Variants in MARS1 observed in about 807,000 individuals in gnomAD.
MARS1 encodes methionine--tRNA ligase, cytoplasmic.
Under a neutral mutation model 119.5 loss-of-function variants are expected in MARS1, and 80 were observed. The ratio of observed to expected loss-of-function variants is 0.67; its 90% CI spans 0.56 to 0.81. MARS1 has a LOEUF of 0.81. Among genes scored for constraint, MARS1 ranks in the 30% least tolerant of loss-of-function variants. The pLI is 0.00. For synonymous variants in MARS1, 418 were observed against 433.4 expected, an observed-to-expected ratio of 0.96 and a Z score of 0.44; for missense variants, 945 against 1,116.5, an observed-to-expected ratio of 0.85 and a Z score of 2.19.
chr12:57,496,743 C>T (rs1876653322), intron 7 of MARS1, among the ~76,000 whole-genome samples: 1 of 151,468 alleles, frequency 6.6e-6, no homozygotes, highest in African/African-American at 2.4e-5. Context: ...TGCCACTGCC[C>T]TCCTGCCTAG....
At chr12:57,513,682 C>G (rs937692570) in intron 15 of MARS1, among the ~76,000 whole-genome samples, 3 of 151,294 alleles carry the variant, frequency 2.0e-5, no homozygotes, top group African/African-American at 7.3e-5. Context: ...ACCTTAGGCT[C>G]ACATTCTATC....
intron 7 of MARS1, among the ~76,000 whole-genome samples, chr12:57,494,237 T>C (rs1034391217): frequency 1.9e-4 from 28 of 151,234 alleles, no homozygotes; most frequent in Non-Finnish European, 3.4e-4. Flanking sequence ...ATTACAGGCG[T>C]AAGCCACTAC....
At position 57,514,707 on chromosome 12, in the gene MARS1, A is replaced by T; in HGVS notation, c.1968-13A>T. The T allele has an allele frequency of 6.2e-7, 1 of 1,613,838 alleles. No homozygotes were observed. The highest frequency in any genetic ancestry group is 2.2e-5 in the East Asian group (1 of 44,884). Reference sequence around the variant, plus strand: ...CTCTTTTTTCCACTTCTGCTTTCCTACTCCCAACCAAGAGCTGGGATGTTT... The same window carrying T: ...CTCTTTTTTCCACTTCTGCTTTCCTTCTCCCAACCAAGAGCTGGGATGTTT... On this transcript the variant is annotated splice_polypyrimidine_tract_variant and intron_variant, in intron 15 of 20. Coordinates refer to ENST00000262027, the MANE Select transcript of MARS1 (RefSeq NM_004990.4).
chr12:57,488,503 C>T (rs1875643271), intron 1 of MARS1: 4 of 1,433,662 alleles, frequency 2.8e-6, no homozygotes, highest in Admixed American at 3.9e-5. Context: ...TATCAGGCAT[C>T]CCCCTCTGCT....
Position 57,489,251 on chromosome 12 carries a change from C to T in MARS1, c.201-16C>T. ...GCCCCTCTAAGTCCATCATCTGTTG[C>T]TCTCTCTCTGGGCAGATATTTTTTT... On this transcript the variant is annotated splice_polypyrimidine_tract_variant and intron_variant, in intron 2 of 20. Transcript: ENST00000262027. 1.9e-6 allele frequency: 3 copies of T among 1,613,146 alleles called. No homozygotes were observed. Among genetic ancestry groups the T allele is most frequent in the Non-Finnish European group, 2.5e-6 (3 of 1,179,534 alleles).
At chr12:57,506,544 C>G (rs186017279) in intron 11 of MARS1, among the ~76,000 whole-genome samples, 1 of 152,274 alleles carries the variant, frequency 6.6e-6, no homozygotes, top group Admixed American at 6.5e-5. Context: ...ACATTGTGTC[C>G]TTTTCAGAGC....
chr12:57,489,501 A>G lies in MARS1; in HGVS notation c.357A>G (p.Arg119=), dbSNP rs751148652. Residue 119 remains arginine (R), a synonymous_variant, in exon 4 of 21, where the codon AGA becomes AGG. Coordinates refer to ENST00000262027, the MANE Select transcript of MARS1 (RefSeq NM_004990.4). ...AAGATGTTCTTGGTTCAGTGCGGAG[A>G]GCCCTGACTCACATTGACCACAGCT... The part of the protein sequence containing the change: ...KGEDVLGSVR[R]ALTHIDHSLS... 3 of 1,614,078 alleles carry G rather than the reference A, an allele frequency of 1.9e-6. No individual in the cohort carries two copies. The highest frequency in any genetic ancestry group is 2.2e-5 in the South Asian group (2 of 91,082).
At chr12:57,500,912 C>T (rs966871811) in intron 10 of MARS1, among the ~76,000 whole-genome samples, 2 of 152,180 alleles carry the variant, frequency 1.3e-5, no homozygotes, top group African/African-American at 2.4e-5. Context: ...TACAATTCTG[C>T]GTGCTGGGGG....
rs1238370040 is a variant in MARS1 at position 57,515,289 on chromosome 12, CT to C, written c.2345del (p.Leu782ArgfsTer32). On this transcript the variant is annotated frameshift_variant, in exon 18 of 21. Transcript: ENST00000262027. LOFTEE classifies it high-confidence loss of function. ...QLPPPACSIL[L>X]TNFLCTLPAG... The stretch of plus-strand genomic sequence containing the variant: ...CCCACCTCCAGCCTGCAGTATCCTG[CT>C]GACAAACTTCCTGTGTACCTTACCA... 9 of 1,613,726 alleles carry C rather than the reference CT, an allele frequency of 5.6e-6. No homozygotes were observed.
rs1877732691 is a variant in MARS1, at chr12:57,515,191, C to T, written c.2246C>T (p.Ala749Val). 6.2e-7 allele frequency: 1 copy of T among 1,614,080 alleles called. No individual in the cohort carries two copies. The highest frequency in any genetic ancestry group is 1.3e-5 in the African/African-American group (1 of 74,930). The change falls in exon 18 of 21, where the codon GCT becomes GTT. Residue 749 changes from alanine (A) to valine (V), a missense_variant. Ala to Val is a moderately conservative substitution (Grantham distance 64, BLOSUM62 0). Transcript: ENST00000262027. ...GTGACTGGCTTGGCAGTGAATATAG[C>T]TGCCTTGCTCTCTGTCATGCTTCAG... The part of the protein sequence containing the change: ...GTVTGLAVNI[A>V]ALLSVMLQPY...
At chr12:57,516,069 C>A in intron 19 of MARS1, 78 bp downstream of exon 19, 1 of 1,473,320 alleles carries the variant, frequency 6.8e-7, no homozygotes, top group Non-Finnish European at 9.5e-7. Context: ...GTAGTCCTCA[C>A]CCATCACTCT....
At chr12:57,488,583 AAC>A (rs759654369) in intron 1 of MARS1, 19 of 1,547,060 alleles carry the variant, frequency 1.2e-5, no homozygotes, top group Middle Eastern at 1.7e-4. Context: ...CTCCCCTCCT[AAC>A]ACACACACAC....
chr12:57,514,763 G>C lies in MARS1; in HGVS notation c.2011G>C (p.Glu671Gln). 6.2e-7 allele frequency: 1 copy of C among 1,614,222 alleles called. No individual in the cohort carries two copies. The highest frequency in any genetic ancestry group is 8.5e-7 in the Non-Finnish European group (1 of 1,180,042). The change falls in exon 16 of 21, where the codon GAG becomes CAG. Residue 671 changes from glutamate to glutamine, a missense_variant. By Grantham distance (29) the Glu-to-Gln change is conservative (BLOSUM62 2). Transcript: ENST00000262027. ...VSKFFGGYVP[E>Q]MVLTPDDQRL... ...TAAGTTCTTTGGGGGCTATGTGCCT[G>C]AGATGGTGCTCACCCCTGATGATCA... is the stretch of plus-strand genomic sequence containing the variant.
chr12:57,488,295 C>A, intron 1 of MARS1, 96 bp downstream of exon 1: 1 of 1,136,126 alleles, frequency 8.8e-7, no homozygotes, highest in Non-Finnish European at 1.3e-6. Flanking sequence ...CTAGCCCTCG[C>A]CACACACCCC....
chr12:57,488,233 G>A (rs752696126), intron 1 of MARS1, 34 bp downstream of exon 1: 4 of 1,585,946 alleles, frequency 2.5e-6, no homozygotes, highest in Admixed American at 3.4e-5. Flanking sequence ...CGGTGGATGG[G>A]GGGGCGGGAC....
In MARS1 at chr12:57,516,268, AGTTGTAGAGACT is replaced by A. The variant is rs1203513089; in HGVS notation, c.2491_2502del (p.Val831_Val834del). ...AGGCAAAAACGTCCCCGAAGCCAGC[AGTTGTAGAGACT>A]GTTACAACAGCCAAGCCACAGCAGA... On this transcript the variant is annotated inframe_deletion, in exon 20 of 21. Transcript: ENST00000262027. The A allele has an allele frequency of 2.5e-6, 4 of 1,614,242 alleles. No individual in the cohort carries two copies. The South Asian group carries it at 4.4e-5, about 18-fold the overall frequency.
Position 57,512,034 on chromosome 12 carries a change from T to C in MARS1, c.1566T>C (p.Thr522=), listed in dbSNP as rs1406808794. The C allele has an allele frequency of 6.2e-7, 1 of 1,614,076 alleles. No individual in the cohort carries two copies. Among genetic ancestry groups the C allele is most frequent in the Non-Finnish European group, 8.5e-7 (1 of 1,180,026 alleles). Residue 522 remains threonine (T), a synonymous_variant, in exon 13 of 21, where the codon ACT becomes ACC. Coordinates refer to ENST00000262027, the MANE Select transcript of MARS1 (RefSeq NM_004990.4). ...TATTCTATGTCTGGTTTGATGCCAC[T>C]ATTGGCTATCTGTCCATCACAGCCA... ...DKVFYVWFDA[T]IGYLSITANY... is the part of the protein sequence containing the mutation.
At chr12:57,502,715 A>G (rs1876979836) in intron 10 of MARS1, among the ~76,000 whole-genome samples, 1 of 149,218 alleles carries the variant, frequency 6.7e-6, no homozygotes, top group Non-Finnish European at 1.5e-5. Flanking sequence ...CAAAAAAAAA[A>G]AAAAAAAGCA....
intron 7 of MARS1, among the ~76,000 whole-genome samples, chr12:57,496,165 T>C (rs1035802266): frequency 6.9e-6 from 1 of 143,942 alleles, no homozygotes; most frequent in Non-Finnish European, 1.5e-5. Flanking sequence ...CACCCGGCAA[T>C]ATAAGCACTT....
Sources: allele counts gnomAD v4.1 joint callset (sites outside exome capture counted in the v4.1 genomes callset), GRCh38; gene constraint gnomAD v4.1.1; transcripts MANE v1.5; gene names NCBI Gene and HGNC (gene_info 2026-07-23, HGNC 2026-07-21).